COL8A1: variants seen among roughly 807,000 people sequenced by gnomAD.
COL8A1 encodes the protein collagen type VIII alpha 1 chain.
In COL8A1, 21 loss-of-function variants were observed where a neutral mutation model predicts 42.7. The observed-to-expected ratio is 0.49, with a 90% CI of 0.35 to 0.71. COL8A1 has a LOEUF of 0.71. Among genes scored for constraint, COL8A1 ranks in the 30% least tolerant of loss-of-function variants. COL8A1 has a pLI of 0.01. For synonymous variants in COL8A1, 367 were observed against 369.1 expected, an observed-to-expected ratio of 0.99 and a Z score of 0.06; for missense variants, 788 against 962.4, an observed-to-expected ratio of 0.82 and a Z score of 2.40.
chr3:99,645,696 TAAAAAAA>T (rs58309537), intron 1 of COL8A1, among the ~76,000 whole-genome samples: 18 of 141,884 alleles, frequency 1.3e-4, no homozygotes, highest in Non-Finnish European at 2.6e-4. Flanking sequence ...GTTTTCTTTT[TAAAAAAA>T]AAAAAAAAAT....
rs1055730383 is a variant in COL8A1 at position 99,745,021 on chromosome 3, T to C, written c.-4T>C. 5.9e-5 allele frequency: 9 copies of C among 152,052 alleles called. No individual in the cohort carries two copies. The highest frequency in any genetic ancestry group is 1.9e-4 in the African/African-American group (8 of 41,368). The allele number at this position is 152,052 out of a possible 1,614,324, so 9.4% of individuals were successfully genotyped here. ...ATTCAGCAGTCCTGTCAAGTATAAA[T>C]GTAAGTGTGAGGAGCAACAGAGGGC... On this transcript the variant is annotated splice_region_variant and 5_prime_UTR_variant, in exon 2 of 4. The change abolishes an upstream ATG in the 5' untranslated region. Transcript: ENST00000652472.
At chr3:99,656,593 T>G (rs1003357225) in intron 1 of COL8A1, among the ~76,000 whole-genome samples, 3 of 152,070 alleles carry the variant, frequency 2.0e-5, no homozygotes, top group African/African-American at 7.2e-5. Flanking sequence ...ATAGCTCAGT[T>G]TAGGGTTATT....
At chr3:99,778,409 G>C (rs770975319) in intron 2 of COL8A1, among the ~76,000 whole-genome samples, 15 of 152,158 alleles carry the variant, frequency 9.9e-5, no homozygotes, top group Non-Finnish European at 1.9e-4. Flanking sequence ...TCCTTGCAAT[G>C]AGAAGTCTTA....
chr3:99,654,737 G>A (rs1211031151), intron 1 of COL8A1, among the ~76,000 whole-genome samples: 1 of 151,748 alleles, frequency 6.6e-6, no homozygotes, highest in Non-Finnish European at 1.5e-5. Context: ...GCAGTGAGCT[G>A]TAATTGTGCC....
At chr3:99,697,265 C>T (rs1939406544) in intron 1 of COL8A1, among the ~76,000 whole-genome samples, 2 of 152,042 alleles carry the variant, frequency 1.3e-5, no homozygotes, top group South Asian at 2.1e-4. Context: ...GGATTACAGG[C>T]GTGAGCCACC....
chr3:99,772,341 A>G (rs1941595601), intron 2 of COL8A1, among the ~76,000 whole-genome samples: 1 of 152,244 alleles, frequency 6.6e-6, no homozygotes, highest in African/African-American at 2.4e-5. Context: ...CAGGCAGAGC[A>G]CAAAGGATTC....
intron 1 of COL8A1, among the ~76,000 whole-genome samples, chr3:99,734,683 G>A (rs1940645195): frequency 6.6e-6 from 1 of 151,846 alleles, no homozygotes; most frequent in Admixed American, 6.6e-5. Context: ...CCAATTCTGT[G>A]AAGAAAGGCA....
chr3:99,725,073 A>G (rs1327814982), intron 1 of COL8A1, among the ~76,000 whole-genome samples: 1 of 152,272 alleles, frequency 6.6e-6, no homozygotes, highest in East Asian at 1.9e-4. Flanking sequence ...GACATCCTCA[A>G]TAAACAACAG....
At chr3:99,735,704 T>G (rs902256299) in intron 1 of COL8A1, among the ~76,000 whole-genome samples, 1 of 151,206 alleles carries the variant, frequency 6.6e-6, no homozygotes, top group Non-Finnish European at 1.5e-5. Context: ...TTCTATTGAT[T>G]GGAATAGTTT....
Position 99,795,779 on chromosome 3 carries a change from C to T in COL8A1, c.1878C>T (p.Phe626=), listed in dbSNP as rs1942095228. 1 of 1,614,174 alleles carries T rather than the reference C, an allele frequency of 6.2e-7. No homozygotes were observed. The highest frequency in any genetic ancestry group is 1.3e-5 in the African/African-American group (1 of 75,034). ...PAFTAELTAP[F]PPVGAPVKFN... is the part of the protein sequence containing the mutation. ...TTACCGCCGAGCTAACCGCACCTTT[C>T]CCACCGGTGGGGGCCCCAGTGAAGT... The change falls in exon 4 of 4, where the codon TTC becomes TTT. Residue 626 remains phenylalanine (F), a synonymous_variant. Coordinates refer to ENST00000652472, the MANE Select transcript of COL8A1 (RefSeq NM_020351.4).
Position 99,781,812 on chromosome 3 carries a change from C to T in COL8A1, c.-3-8868C>T, listed in dbSNP as rs377687845. Among the ~76,000 whole-genome samples the T allele has an allele frequency of 5.3e-5, 8 of 152,280 alleles. No homozygotes were observed. The East Asian group carries it at 1.4e-3, about 26-fold the overall frequency. ...GCCAGGTCCACGGAATGGCAAGGAC[C>T]TTATTCTTGCAGAGCCCTACCAATG... On this transcript the variant is annotated intron_variant, in intron 2 of 3. Coordinates refer to ENST00000652472, the MANE Select transcript of COL8A1 (RefSeq NM_020351.4).
chr3:99,689,730 T>C (rs1276445390), intron 1 of COL8A1, among the ~76,000 whole-genome samples: 1 of 151,898 alleles, frequency 6.6e-6, no homozygotes, highest in African/African-American at 2.4e-5. Flanking sequence ...CAATATTAGA[T>C]GCACATATGA....
intron 1 of COL8A1, among the ~76,000 whole-genome samples, chr3:99,732,191 TC>T (rs1183730235): frequency 2.0e-5 from 3 of 152,176 alleles, no homozygotes; most frequent in Non-Finnish European, 4.4e-5. Flanking sequence ...ATACATAAAT[TC>T]TTTTAATCAT....
At chr3:99,658,159 T>C (rs1214272798) in intron 1 of COL8A1, among the ~76,000 whole-genome samples, 2 of 151,788 alleles carry the variant, frequency 1.3e-5, no homozygotes, top group African/African-American at 4.8e-5. Context: ...TCAAAGACAT[T>C]TCATAGCCTT....
At chr3:99,699,294 C>T (rs1057223947) in intron 1 of COL8A1, among the ~76,000 whole-genome samples, 3 of 152,226 alleles carry the variant, frequency 2.0e-5, no homozygotes, top group Non-Finnish European at 2.9e-5. Context: ...TTTGAACCAG[C>T]CCTCATTAAC....
chr3:99,687,408 ACTTATC>A (rs1466319707), intron 1 of COL8A1, among the ~76,000 whole-genome samples: 16 of 152,290 alleles, frequency 1.1e-4, no homozygotes, highest in African/African-American at 3.6e-4. Flanking sequence ...TGCAAATGTT[ACTTATC>A]CTTATCTGTT....
chr3:99,713,679 G>A (rs1939909237), intron 1 of COL8A1, among the ~76,000 whole-genome samples: 1 of 151,946 alleles, frequency 6.6e-6, no homozygotes, highest in Non-Finnish European at 1.5e-5. Flanking sequence ...CATGAGCCCT[G>A]TTTAATCCTT....
intron 1 of COL8A1, among the ~76,000 whole-genome samples, chr3:99,648,990 C>T (rs981844278): frequency 6.6e-6 from 1 of 152,040 alleles, no homozygotes; most frequent in Non-Finnish European, 1.5e-5. Flanking sequence ...AAAAAGGAAA[C>T]AAAGCCTAGC....
intron 1 of COL8A1, among the ~76,000 whole-genome samples, chr3:99,698,820 G>C (rs982843467): frequency 6.6e-6 from 1 of 152,210 alleles, no homozygotes; most frequent in Admixed American, 6.5e-5. Flanking sequence ...ACGAATGTCA[G>C]TGTTAACGTT....
Sources: allele counts gnomAD v4.1 joint callset (sites outside exome capture counted in the v4.1 genomes callset), GRCh38; gene constraint gnomAD v4.1.1; transcripts MANE v1.5; gene names NCBI Gene and HGNC (gene_info 2026-07-23, HGNC 2026-07-21).